The following SLC24A2 variants were observed in gnomAD, a reference collection of about 807,000 sequenced individuals.
The protein encoded by SLC24A2 is solute carrier family 24 member 2, also known as sodium/potassium/calcium exchanger 2.
A neutral mutation model predicts 62.0 loss-of-function variants in SLC24A2; 36 were observed. The observed-to-expected ratio is 0.58, with a 90% CI of 0.44 to 0.77. The LOEUF is 0.77. Ranked by LOEUF, SLC24A2 falls within the 30% of genes least tolerant of loss-of-function variation. The pLI is 0.00. For missense variants in SLC24A2, 846 were observed against 817.9 expected, an observed-to-expected ratio of 1.03 and a Z score of -0.42; for synonymous variants, 358 against 294.0, an observed-to-expected ratio of 1.22 and a Z score of -2.23.
the SLC24A2 span, among the ~76,000 whole-genome samples, chr9:19,856,727 G>A: frequency 1.1e-4 from 17 of 152,180 alleles, no homozygotes; most frequent in African/African-American, 3.6e-4. Context: ...CCTGTATAAG[G>A]TGTCTGGCAG....
At chr9:20,008,268 T>A in the SLC24A2 span, among the ~76,000 whole-genome samples, 1 of 151,898 alleles carries the variant, frequency 6.6e-6, no homozygotes, top group African/African-American at 2.4e-5. Context: ...GGTCTCTGTA[T>A]CCTTTGGGAA....
intron 2 of SLC24A2, among the ~76,000 whole-genome samples, chr9:19,708,770 G>C (rs934046916): frequency 2.6e-5 from 4 of 152,184 alleles, no homozygotes; most frequent in African/African-American, 7.2e-5. Flanking sequence ...ATGGATTAAA[G>C]ACTTACATGT....
chr9:19,977,206 A>G, the SLC24A2 span, among the ~76,000 whole-genome samples: 2 of 151,854 alleles, frequency 1.3e-5, no homozygotes, highest in Non-Finnish European at 2.9e-5. Flanking sequence ...GAAATTGGTG[A>G]TTCTGGATAA....
intron 2 of SLC24A2, among the ~76,000 whole-genome samples, chr9:19,654,546 T>A (rs146664281): frequency 6.6e-6 from 1 of 152,194 alleles, no homozygotes; most frequent in Non-Finnish European, 1.5e-5. Context: ...ATATTATCCA[T>A]GAATTTCATT....
intron 5 of SLC24A2, among the ~76,000 whole-genome samples, chr9:19,578,875 T>G (rs1836118317): frequency 6.6e-6 from 1 of 152,200 alleles, no homozygotes; most frequent in Non-Finnish European, 1.5e-5. Context: ...CTGGTCTCTT[T>G]GCCACAACAA....
At chr9:19,764,371 C>G (rs1822446849) in intron 2 of SLC24A2, among the ~76,000 whole-genome samples, 1 of 152,140 alleles carries the variant, frequency 6.6e-6, no homozygotes, top group Non-Finnish European at 1.5e-5. Flanking sequence ...TCTTGCTTCT[C>G]TAGTTCTTTT....
At chr9:19,914,684 C>T in the SLC24A2 span, among the ~76,000 whole-genome samples, 1 of 152,006 alleles carries the variant, frequency 6.6e-6, no homozygotes, top group Non-Finnish European at 1.5e-5. Context: ...ATAATAATCC[C>T]TTATGACCTT....
At chr9:20,181,248 G>GA in the SLC24A2 span, among the ~76,000 whole-genome samples, 359 of 141,656 alleles carry the variant, frequency 2.5e-3, 2 homozygotes, top group East Asian at 0.02. Context: ...TTTCTCATCT[G>GA]AAAAAAAAAA....
intron 7 of SLC24A2, among the ~76,000 whole-genome samples, chr9:19,564,262 C>A (rs926149644): frequency 2.0e-5 from 3 of 152,126 alleles, no homozygotes; most frequent in African/African-American, 7.2e-5. Flanking sequence ...ACCACACTCA[C>A]TTCCATCATG....
At chr9:19,561,013 C>T (rs1228728925) in intron 7 of SLC24A2, among the ~76,000 whole-genome samples, 1 of 152,044 alleles carries the variant, frequency 6.6e-6, no homozygotes, top group African/African-American at 2.4e-5. Flanking sequence ...GCAACCTCCG[C>T]CTCCCAGGTT....
At chr9:20,038,592 T>C in the SLC24A2 span, among the ~76,000 whole-genome samples, 2,405 of 139,200 alleles carry the variant, frequency 0.017, 21 homozygotes, top group Middle Eastern at 0.055. Context: ...TCTCCCTTTC[T>C]ACGATATTTT....
chr9:20,147,784 C>T, the SLC24A2 span, among the ~76,000 whole-genome samples: 1 of 152,032 alleles, frequency 6.6e-6, no homozygotes, highest in Non-Finnish European at 1.5e-5. Flanking sequence ...GTGCAACTAA[C>T]CTGGGGCAAA....
chr9:20,084,747 G>T, the SLC24A2 span, among the ~76,000 whole-genome samples: 1 of 152,048 alleles, frequency 6.6e-6, no homozygotes, highest in Non-Finnish European at 1.5e-5. Context: ...TACACCTTCA[G>T]CTTCTGACAT....
At chr9:19,869,942 G>T in the SLC24A2 span, among the ~76,000 whole-genome samples, 1 of 152,140 alleles carries the variant, frequency 6.6e-6, no homozygotes, top group Non-Finnish European at 1.5e-5. Flanking sequence ...AAGTCTCCTA[G>T]CAAGGAACTT....
chr9:20,278,488 T>C, the SLC24A2 span, among the ~76,000 whole-genome samples: 9 of 152,198 alleles, frequency 5.9e-5, no homozygotes, highest in African/African-American at 1.7e-4. Flanking sequence ...CACAGGTCTC[T>C]AGGGCAGGGT....
chr9:20,238,577 G>T, the SLC24A2 span, among the ~76,000 whole-genome samples: 1 of 152,180 alleles, frequency 6.6e-6, no homozygotes, highest in Non-Finnish European at 1.5e-5. Context: ...TGGGGAGCAG[G>T]TGTACCCCTA....
At chr9:19,846,778 G>A in the SLC24A2 span, among the ~76,000 whole-genome samples, 1 of 152,080 alleles carries the variant, frequency 6.6e-6, no homozygotes, top group East Asian at 1.9e-4. Context: ...TGTAATCCCA[G>A]CACTTTGGGA....
chr9:19,579,283 C>T (rs753926799), intron 5 of SLC24A2, among the ~76,000 whole-genome samples: 13 of 152,116 alleles, frequency 8.5e-5, no homozygotes, highest in Non-Finnish European at 1.8e-4. Flanking sequence ...CTATGATTGC[C>T]TGAAGGTTTT....
chr9:20,187,390 T>A, the SLC24A2 span, among the ~76,000 whole-genome samples: 1 of 152,182 alleles, frequency 6.6e-6, no homozygotes, highest in Non-Finnish European at 1.5e-5. Context: ...ATTTTCTCCT[T>A]TTCCTGACCC....
Sources: allele counts gnomAD v4.1 joint callset (sites outside exome capture counted in the v4.1 genomes callset), GRCh38; gene constraint gnomAD v4.1.1; transcripts MANE v1.5; gene names NCBI Gene and HGNC (gene_info 2026-07-23, HGNC 2026-07-21).